SLC38A12: variants seen among roughly 807,000 people sequenced by gnomAD.
SLC38A12 encodes putative sodium-coupled neutral amino acid transporter 12.
chr17:74,777,564 A>G, the SLC38A12 span: 1 of 1,529,236 alleles, frequency 6.5e-7, no homozygotes. Flanking sequence ...AGTCAGATTT[A>G]TTCTCTTTTT....
the SLC38A12 span, among the ~76,000 whole-genome samples, chr17:74,812,723 A>G: frequency 2.0e-5 from 3 of 152,144 alleles, no homozygotes; most frequent in African/African-American, 7.2e-5. Flanking sequence ...CAGCTCCCAC[A>G]GGTCTCTGTG....
the SLC38A12 span, among the ~76,000 whole-genome samples, chr17:74,820,077 G>T: frequency 6.6e-6 from 1 of 152,214 alleles, no homozygotes; most frequent in Non-Finnish European, 1.5e-5. Context: ...TTGTTTCGAG[G>T]TCACATAGTG....
the SLC38A12 span, among the ~76,000 whole-genome samples, chr17:74,795,896 C>T: frequency 6.6e-6 from 1 of 152,210 alleles, no homozygotes; most frequent in South Asian, 2.1e-4. Flanking sequence ...GATTCAGGAC[C>T]GTGACTGTTG....
the SLC38A12 span, among the ~76,000 whole-genome samples, chr17:74,830,906 T>G: frequency 7.9e-5 from 12 of 152,162 alleles, no homozygotes. Flanking sequence ...AGATCCACTA[T>G]CAGGATGAGC....
At chr17:74,821,933 G>A in the SLC38A12 span, among the ~76,000 whole-genome samples, 1 of 152,226 alleles carries the variant, frequency 6.6e-6, no homozygotes, top group South Asian at 2.1e-4. Context: ...CATCCAGGAG[G>A]ACAGGAACAG....
At chr17:74,789,954 TG>T in the SLC38A12 span, among the ~76,000 whole-genome samples, 547 of 139,942 alleles carry the variant, frequency 3.9e-3, 6 homozygotes, top group African/African-American at 0.014. Context: ...TTTGTTTTTT[TG>T]TTTTTTTGTT....
the SLC38A12 span, among the ~76,000 whole-genome samples, chr17:74,820,420 G>T: frequency 6.6e-6 from 1 of 152,246 alleles, no homozygotes; most frequent in Non-Finnish European, 1.5e-5. Flanking sequence ...CTCAGCTGCG[G>T]TCTGGGCGTC....
chr17:74,788,197 G>A, the SLC38A12 span, among the ~76,000 whole-genome samples: 4 of 152,310 alleles, frequency 2.6e-5, no homozygotes, highest in East Asian at 1.9e-4. Context: ...GAATTGGTCC[G>A]TAGAAGTGCA....
At chr17:74,780,189 T>C in the SLC38A12 span, among the ~76,000 whole-genome samples, 1 of 152,238 alleles carries the variant, frequency 6.6e-6, no homozygotes, top group African/African-American at 2.4e-5. Flanking sequence ...CACCCTGAAA[T>C]CCTAGTCATT....
the SLC38A12 span, among the ~76,000 whole-genome samples, chr17:74,810,834 A>G: frequency 1.3e-5 from 2 of 152,250 alleles, no homozygotes; most frequent in South Asian, 4.1e-4. Context: ...AGTTTTGGCA[A>G]ATAAGCTGTG....
chr17:74,819,759 ACT>A, the SLC38A12 span: 1 of 1,613,860 alleles, frequency 6.2e-7, no homozygotes, highest in Non-Finnish European at 8.5e-7. Context: ...GGCGATCTTC[ACT>A]CTCCTCCTCG....
the SLC38A12 span, chr17:74,838,004 G>T: frequency 1.0e-6 from 1 of 985,800 alleles, no homozygotes; most frequent in African/African-American, 1.7e-5. Context: ...CCCCTCCCCT[G>T]TATCTCAGCG....
chr17:74,802,438 TGCTCATG>T, the SLC38A12 span, among the ~76,000 whole-genome samples: 1 of 152,216 alleles, frequency 6.6e-6, no homozygotes, highest in Non-Finnish European at 1.5e-5. Context: ...GCTCGGAAGC[TGCTCATG>T]GGCCTCTGTC....
At chr17:74,820,838 G>T in the SLC38A12 span, among the ~76,000 whole-genome samples, 1 of 152,116 alleles carries the variant, frequency 6.6e-6, no homozygotes, top group Non-Finnish European at 1.5e-5. Flanking sequence ...TCCATGCCAG[G>T]ACTCAGCAGC....
chr17:74,836,477 C>T, the SLC38A12 span: 1 of 1,610,144 alleles, frequency 6.2e-7, no homozygotes. This position sits in a 1 kb window ranked among gnomAD's most constrained non-coding sequence, Gnocchi z 4.2. Flanking sequence ...TCACAGGGGC[C>T]TACGCGGGCA....
chr17:74,821,300 G>A, the SLC38A12 span, among the ~76,000 whole-genome samples: 3 of 152,242 alleles, frequency 2.0e-5, no homozygotes, highest in Admixed American at 6.5e-5. Context: ...AAGCTGACAC[G>A]AGGGAGCGGG....
At chr17:74,808,043 C>G in the SLC38A12 span, among the ~76,000 whole-genome samples, 2 of 152,270 alleles carry the variant, frequency 1.3e-5, no homozygotes, top group African/African-American at 4.8e-5. Flanking sequence ...CCCCTTCCCC[C>G]TAAACCACAA....
At chr17:74,797,545 A>G in the SLC38A12 span, among the ~76,000 whole-genome samples, 1 of 152,078 alleles carries the variant, frequency 6.6e-6, no homozygotes, top group African/African-American at 2.4e-5. Context: ...TTTGGTTTGC[A>G]TGGGCTCTTC....
At chr17:74,830,908 A>T in the SLC38A12 span, among the ~76,000 whole-genome samples, 1 of 152,348 alleles carries the variant, frequency 6.6e-6, no homozygotes, top group South Asian at 2.1e-4. Context: ...ATCCACTATC[A>T]GGATGAGCCT....
Sources: gnomAD v4.1 joint callset for allele counts (sites outside exome capture counted in the v4.1 genomes callset) on GRCh38, gnomAD v4.1.1 for gene constraint, Gnocchi (gnomAD v3.1) non-coding constraint, MANE v1.5 for transcripts, NCBI Gene and HGNC (gene_info 2026-07-23, HGNC 2026-07-21) for gene names.